ERBB4: variants seen among roughly 807,000 people sequenced by gnomAD.
ERBB4 encodes the protein erb-b2 receptor tyrosine kinase 4.
ERBB4 carries 42 observed loss-of-function variants against 158.0 expected under a neutral mutation model. The ratio of observed to expected loss-of-function variants is 0.27; its 90% CI spans 0.21 to 0.34. The LOEUF (loss-of-function observed/expected upper bound fraction) is 0.34. ERBB4 is among the 10% of genes least tolerant of loss of function. ERBB4 has a pLI of 1.00. For synonymous variants in ERBB4, 583 were observed against 558.7 expected, an observed-to-expected ratio of 1.04 and a Z score of -0.61; for missense variants, 1,333 against 1,624.1, an observed-to-expected ratio of 0.82 and a Z score of 3.08.
chr2:212,102,077 T>A (rs2079099282), intron 2 of ERBB4, among the ~76,000 whole-genome samples: 1 of 135,676 alleles, frequency 7.4e-6, no homozygotes, highest in South Asian at 2.4e-4. Context: ...ATCATATACG[T>A]TGAAAATTTA....
intron 2 of ERBB4, among the ~76,000 whole-genome samples, chr2:212,099,168 T>C (rs1336031020): frequency 4.1e-5 from 5 of 121,480 alleles, no homozygotes; most frequent in Non-Finnish European, 8.4e-5. Context: ...AATAAATAAA[T>C]AAATAAATAA....
chr2:211,739,501 G>C (rs2074718274), intron 5 of ERBB4, among the ~76,000 whole-genome samples: 1 of 152,066 alleles, frequency 6.6e-6, no homozygotes, highest in South Asian at 2.1e-4. Context: ...GTCTCGCTCT[G>C]TCACCAGGCT....
intron 1 of ERBB4, among the ~76,000 whole-genome samples, chr2:212,315,138 T>A (rs901715475): frequency 5.9e-5 from 9 of 151,440 alleles, no homozygotes; most frequent in Admixed American, 1.3e-4. Flanking sequence ...GCCTTTTAAT[T>A]TTTTTTAATA....
At chr2:211,633,656 C>T (rs1000188236) in intron 16 of ERBB4, among the ~76,000 whole-genome samples, 31 of 148,030 alleles carry the variant, frequency 2.1e-4, no homozygotes, top group African/African-American at 7.7e-4. Context: ...TAATTAATCA[C>T]AATCTGCTCT....
intron 25 of ERBB4, among the ~76,000 whole-genome samples, chr2:211,404,252 A>G (rs751861071): frequency 3.3e-5 from 5 of 151,988 alleles, no homozygotes; most frequent in Non-Finnish European, 5.9e-5. Flanking sequence ...CTGAACAGTC[A>G]TGCATTCAAG....
intron 1 of ERBB4, among the ~76,000 whole-genome samples, chr2:212,388,529 G>A (rs2090753853): frequency 6.6e-6 from 1 of 152,014 alleles, no homozygotes; most frequent in South Asian, 2.1e-4. Context: ...AGCAGCCAGA[G>A]CACAAAGGGT....
At chr2:212,408,424 A>G (rs2091409614) in intron 1 of ERBB4, among the ~76,000 whole-genome samples, 2 of 152,150 alleles carry the variant, frequency 1.3e-5, no homozygotes, top group Non-Finnish European at 2.9e-5. Flanking sequence ...CAACATTTGT[A>G]ATACAATGGG....
At chr2:211,454,469 A>G (rs2064329041) in intron 20 of ERBB4, among the ~76,000 whole-genome samples, 1 of 152,220 alleles carries the variant, frequency 6.6e-6, no homozygotes, top group African/African-American at 2.4e-5. Flanking sequence ...TGAATGCAGC[A>G]TTAAGAAAAT....
chr2:212,422,775 G>C (rs890109178), intron 1 of ERBB4, among the ~76,000 whole-genome samples: 2 of 152,060 alleles, frequency 1.3e-5, no homozygotes, highest in African/African-American at 4.8e-5. Flanking sequence ...ATTAATTTTG[G>C]TAAGAGATGA....
At chr2:211,861,155 T>TATATATATATA (rs1491478255) in intron 3 of ERBB4, among the ~76,000 whole-genome samples, 3 of 49,350 alleles carry the variant, frequency 6.1e-5, no homozygotes, top group African/African-American at 2.4e-4. Context: ...TATATATATA[T>TATATATATATA]TAAAAAAAAG....
chr2:212,105,285 T>G (rs1468094351), intron 2 of ERBB4, among the ~76,000 whole-genome samples: 1 of 152,220 alleles, frequency 6.6e-6, no homozygotes, highest in Non-Finnish European at 1.5e-5. Context: ...AGTCCAATGT[T>G]TTCCAAAGAG....
chr2:211,538,755 T>C (rs2066720868), intron 20 of ERBB4, among the ~76,000 whole-genome samples: 1 of 151,848 alleles, frequency 6.6e-6, no homozygotes, highest in Admixed American at 6.6e-5. Context: ...ATTGGGTTCG[T>C]AGAATTGATG....
intron 2 of ERBB4, among the ~76,000 whole-genome samples, chr2:212,070,978 C>G (rs1298021149): frequency 6.6e-6 from 1 of 151,590 alleles, no homozygotes; most frequent in African/African-American, 2.4e-5. Flanking sequence ...ATATTTATTT[C>G]TGGCTTTGAT....
chr2:212,194,482 A>G (rs1574409686), intron 1 of ERBB4, among the ~76,000 whole-genome samples: 2 of 152,074 alleles, frequency 1.3e-5, no homozygotes, highest in Admixed American at 6.6e-5. Context: ...GTTACCTGTT[A>G]CTATTTCCCT....
At chr2:212,149,066 G>A (rs2080779652) in intron 1 of ERBB4, among the ~76,000 whole-genome samples, 1 of 145,918 alleles carries the variant, frequency 6.9e-6, no homozygotes, top group Non-Finnish European at 1.5e-5. Flanking sequence ...CCTAATGCTA[G>A]ATGACGAGTT....
intron 2 of ERBB4, among the ~76,000 whole-genome samples, chr2:212,002,825 G>A (rs1192545606): frequency 3.9e-5 from 6 of 151,938 alleles, no homozygotes; most frequent in East Asian, 1.9e-4. Flanking sequence ...TTGGGAGGCC[G>A]AGGCGGGCGG....
intron 3 of ERBB4, among the ~76,000 whole-genome samples, chr2:211,836,968 T>C (rs990926101): frequency 2.6e-5 from 4 of 151,916 alleles, no homozygotes; most frequent in Non-Finnish European, 4.4e-5. Flanking sequence ...TATTGTTCCA[T>C]CTCTAAAAAA....
intron 3 of ERBB4, among the ~76,000 whole-genome samples, chr2:211,928,513 G>T (rs1293181171): frequency 6.6e-6 from 1 of 152,300 alleles, no homozygotes; most frequent in East Asian, 1.9e-4. Context: ...CTCTCCTGTA[G>T]AAATCTTTTG....
At chr2:212,308,278 A>T (rs1055737620) in intron 1 of ERBB4, among the ~76,000 whole-genome samples, 1 of 151,130 alleles carries the variant, frequency 6.6e-6, no homozygotes, top group African/African-American at 2.4e-5. Flanking sequence ...TATATTCGGA[A>T]TCATTCACAA....
Sources: gnomAD v4.1 joint callset for allele counts (sites outside exome capture counted in the v4.1 genomes callset) on GRCh38, gnomAD v4.1.1 for gene constraint, MANE v1.5 for transcripts, NCBI Gene and HGNC (gene_info 2026-07-23, HGNC 2026-07-21) for gene names.